RNFT2: variants seen among roughly 807,000 people sequenced by gnomAD.
The protein encoded by RNFT2 is ring finger protein, transmembrane 2.
Under a neutral mutation model 53.0 loss-of-function variants are expected in RNFT2, and 36 were observed. That is an observed-to-expected ratio of 0.68 (90% confidence interval 0.52 to 0.90). The LOEUF (loss-of-function observed/expected upper bound fraction) is 0.90. Among genes scored for constraint, RNFT2 ranks in the 40% least tolerant of loss-of-function variants. The pLI is 0.00. For missense variants in RNFT2, 514 were observed against 585.6 expected (o/e 0.88, Z 1.26); for synonymous variants, 260 against 253.2 (o/e 1.03, Z -0.26).
intron 10 of RNFT2, among the ~76,000 whole-genome samples, chr12:116,841,860 T>TATATATATAGAG (rs1877315819): frequency 1.2e-4 from 3 of 25,478 alleles, no homozygotes; most frequent in Non-Finnish European, 2.6e-4. Flanking sequence ...TATATAAAAA[T>TATATATATAGAG]ATATATATAA....
chr12:116,831,497 A>G (rs992085007), intron 7 of RNFT2, among the ~76,000 whole-genome samples: 1 of 151,642 alleles, frequency 6.6e-6, no homozygotes, highest in Non-Finnish European at 1.5e-5. Flanking sequence ...GATCTCTAAC[A>G]TAATCAGACC....
At chr12:116,794,608 AGAAAG>A (rs1473541879) in intron 7 of RNFT2, among the ~76,000 whole-genome samples, 32 of 139,820 alleles carry the variant, frequency 2.3e-4, no homozygotes, top group African/African-American at 6.3e-4. Context: ...AAAAAACAAA[AGAAAG>A]GAAAGAAAGG....
chr12:116,754,026 C>G lies in RNFT2; in HGVS notation c.593C>G (p.Ala198Gly), dbSNP rs1390081872. 16 of 1,613,774 alleles carry G rather than the reference C, an allele frequency of 9.9e-6. No individual in the cohort carries two copies. In the East Asian group the frequency reaches 3.6e-4, roughly 36 times the overall value. Reference sequence around the variant, plus strand: ...GGGATGGCCAGCACCTTCGCCTATGCCAACTCCACGCTTCGAGAACAGGTC... The same window carrying G: ...GGGATGGCCAGCACCTTCGCCTATGGCAACTCCACGCTTCGAGAACAGGTC... ...CIGMASTFAY[A>G]NSTLREQVSL... The change falls in exon 5 of 11, where the codon GCC becomes GGC. Residue 198 changes from alanine (A) to glycine (G), a missense_variant. Coordinates refer to ENST00000257575, the MANE Select transcript of RNFT2 (RefSeq NM_001382266.1).
In RNFT2 at chr12:116,833,797, G is replaced by C; in HGVS notation, c.888G>C (p.Lys296Asn). ...KIILAVKSKG[K>N]FYLVIEELSQ... ...TGTTCTCTGTGTGGTTGCAGGGAAAGTTCTATCTGGTCATCGAGGAGCTGA... is the reference window on the plus strand; with the variant it reads ...TGTTCTCTGTGTGGTTGCAGGGAAACTTCTATCTGGTCATCGAGGAGCTGA... The change falls in exon 8 of 11, where the codon AAG (lysine) becomes AAC (asparagine). Residue 296 changes from lysine to asparagine, a missense_variant. Physicochemically the swap from Lys to Asn is moderately conservative, Grantham distance 94. Coordinates refer to ENST00000257575, the MANE Select transcript of RNFT2 (RefSeq NM_001382266.1). 4 of 1,613,260 alleles carry C rather than the reference G, an allele frequency of 2.5e-6. No homozygotes were observed. The South Asian group carries it at 3.3e-5, about 13-fold the overall frequency.
At position 116,775,708 on chromosome 12, in the gene RNFT2, T is replaced by G. The variant is rs566296793; in HGVS notation, c.729-3487T>G. Among the ~76,000 whole-genome samples, 8 of 152,286 alleles carry G rather than the reference T, an allele frequency of 5.3e-5. No homozygotes were observed. In the South Asian group the frequency reaches 1.7e-3, roughly 32 times the overall value. On this transcript the variant is annotated intron_variant, in intron 6 of 10. Transcript: ENST00000257575. Reference sequence around the variant, plus strand: ...AAAGTACTGGGTAAACAATAAAACATTGGACATATATCACAATTAATATGA... The same window carrying G: ...AAAGTACTGGGTAAACAATAAAACAGTGGACATATATCACAATTAATATGA...
At chr12:116,832,140 A>ATATATATATATATATATAT (rs1555209706) in intron 7 of RNFT2, among the ~76,000 whole-genome samples, 21 of 68,124 alleles carry the variant, frequency 3.1e-4, no homozygotes, top group African/African-American at 9.1e-4. Context: ...CAAAAAAAAA[A>ATATATATATATATATATAT]AAAAAAAAAT....
rs542390654 is a variant in RNFT2, at chr12:116,794,775, A to G, written c.882+15427A>G. Among the ~76,000 whole-genome samples, 99 of 152,032 alleles carry G rather than the reference A, an allele frequency of 6.5e-4. 1 individual carries two copies. Among genetic ancestry groups the G allele is most frequent in the African/African-American group, 2.2e-3 (93 of 41,368 alleles). ...CTATGCTGTCTAATATAGTAGCTAAAAAAACAAAACCAGGCCTGCTTATTT... is the reference window on the plus strand; with the variant it reads ...CTATGCTGTCTAATATAGTAGCTAAGAAAACAAAACCAGGCCTGCTTATTT... On this transcript the variant is annotated intron_variant, in intron 7 of 10. Coordinates refer to ENST00000257575, the MANE Select transcript of RNFT2 (RefSeq NM_001382266.1).
chr12:116,831,401 T>G (rs1876639151), intron 7 of RNFT2, among the ~76,000 whole-genome samples: 1 of 152,192 alleles, frequency 6.6e-6, no homozygotes, highest in South Asian at 2.1e-4. Context: ...ATCACCTGAT[T>G]AATATGATGT....
At chr12:116,771,460 TAAAAAAAAAAAAA>T (rs35911608) in intron 6 of RNFT2, among the ~76,000 whole-genome samples, 9 of 64,122 alleles carry the variant, frequency 1.4e-4, no homozygotes, top group South Asian at 1.5e-3. Context: ...ATCCTATCGT[TAAAAAAAAAAAAA>T]AAAAAAAAAA....
At chr12:116,787,557 T>TCAATAATAAAAATAATAAAAATAAA (rs1242651795) in intron 7 of RNFT2, among the ~76,000 whole-genome samples, 16 of 151,632 alleles carry the variant, frequency 1.1e-4, no homozygotes, top group African/African-American at 3.9e-4. Flanking sequence ...AAAATAAAAA[T>TCAATAATAAAAATAATAAAAATAAA]AAAAATCAAT....
chr12:116,789,394 T>G (rs1329687819), intron 7 of RNFT2, among the ~76,000 whole-genome samples: 3 of 138,402 alleles, frequency 2.2e-5, no homozygotes, highest in African/African-American at 5.6e-5. Context: ...GATGGATAGA[T>G]GAGTGGATGA....
intron 5 of RNFT2, among the ~76,000 whole-genome samples, chr12:116,762,079 A>AC (rs1228327019): frequency 6.7e-6 from 1 of 150,032 alleles, no homozygotes; most frequent in African/African-American, 2.5e-5. Context: ...AAAAAAAAAA[A>AC]ACAGAAAAAA....
intron 5 of RNFT2, among the ~76,000 whole-genome samples, chr12:116,759,435 T>C (rs1872612623): frequency 6.6e-6 from 1 of 152,174 alleles, no homozygotes; most frequent in South Asian, 2.1e-4. Flanking sequence ...TTGAAGAGCC[T>C]TGTTTTGTCA....
chr12:116,832,895 G>GTTT (rs1331079468), intron 7 of RNFT2, among the ~76,000 whole-genome samples: 1 of 82,796 alleles, frequency 1.2e-5, no homozygotes, highest in Non-Finnish European at 2.4e-5. Flanking sequence ...CCCAAGTCGT[G>GTTT]TTCTTTTTTT....
At chr12:116,825,990 A>T in intron 7 of RNFT2, among the ~76,000 whole-genome samples, 1 of 152,110 alleles carries the variant, frequency 6.6e-6, no homozygotes, top group Non-Finnish European at 1.5e-5. Flanking sequence ...ACAGAAAAAA[A>T]AAGGTTTCAT....
At chr12:116,786,965 C>T (rs529349407) in intron 7 of RNFT2, among the ~76,000 whole-genome samples, 1 of 152,220 alleles carries the variant, frequency 6.6e-6, no homozygotes, top group East Asian at 1.9e-4. Flanking sequence ...CTCTCTGCCT[C>T]TCTCTTATAA....
At chr12:116,739,658 G>A (rs943956301) in intron 1 of RNFT2, among the ~76,000 whole-genome samples, 4 of 152,212 alleles carry the variant, frequency 2.6e-5, no homozygotes, top group Non-Finnish European at 5.9e-5. Flanking sequence ...CAAAGGCCCT[G>A]AGGCAGGGAC....
At chr12:116,826,611 A>G (rs1410833258) in intron 7 of RNFT2, among the ~76,000 whole-genome samples, 1 of 152,208 alleles carries the variant, frequency 6.6e-6, no homozygotes, top group African/African-American at 2.4e-5. Flanking sequence ...GCTAATTGCT[A>G]CCTTTAACGG....
intron 7 of RNFT2, among the ~76,000 whole-genome samples, chr12:116,830,189 G>A (rs1273405494): frequency 6.6e-6 from 1 of 152,116 alleles, no homozygotes. Flanking sequence ...AATTAGCAAG[G>A]GCAGGAAATG....
Sources: allele counts gnomAD v4.1 joint callset (sites outside exome capture counted in the v4.1 genomes callset), GRCh38; gene constraint gnomAD v4.1.1; transcripts MANE v1.5; gene names NCBI Gene and HGNC (gene_info 2026-07-23, HGNC 2026-07-21).